ADGRL3: variants seen among roughly 807,000 people sequenced by gnomAD.
ADGRL3 encodes adhesion G protein-coupled receptor L3, also known as calcium-independent alpha-latrotoxin receptor 3.
A neutral mutation model predicts 153.5 loss-of-function variants in ADGRL3; 62 were observed. The observed-to-expected ratio is 0.40, with a 90% CI of 0.33 to 0.50. The LOEUF (loss-of-function observed/expected upper bound fraction) is 0.50, where lower values mean the gene tolerates loss of function less well. Among genes scored for constraint, ADGRL3 ranks in the 20% least tolerant of loss-of-function variants. The pLI, the probability that ADGRL3 is intolerant of heterozygous loss-of-function variation, is 0.47. For synonymous variants in ADGRL3, 710 were observed against 672.5 expected, an observed-to-expected ratio of 1.06 and a Z score of -0.86; for missense variants, 1,641 against 1,859.4, an observed-to-expected ratio of 0.88 and a Z score of 2.16.
At chr4:61,507,291 C>A (rs1308903345) in intron 3 of ADGRL3, among the ~76,000 whole-genome samples, 1 of 151,944 alleles carries the variant, frequency 6.6e-6, no homozygotes, top group Non-Finnish European at 1.5e-5. Flanking sequence ...TAAAAGGAGG[C>A]CTTTTAGATT....
At chr4:61,618,156 G>A (rs567583865) in intron 5 of ADGRL3, among the ~76,000 whole-genome samples, 1 of 152,252 alleles carries the variant, frequency 6.6e-6, no homozygotes, top group South Asian at 2.1e-4. Context: ...CCAAGGGAGA[G>A]TTTTCTGAAA....
At chr4:61,462,967 G>A (rs2097841695) in intron 2 of ADGRL3, among the ~76,000 whole-genome samples, 1 of 152,098 alleles carries the variant, frequency 6.6e-6, no homozygotes, top group Non-Finnish European at 1.5e-5. Context: ...CACCTCCAAG[G>A]TCTCTGCTAG....
rs2098329386 is a variant in ADGRL3, at chr4:61,497,222, A to G, written c.-72A>G. 1.2e-5 allele frequency: 10 copies of G among 858,128 alleles called. No individual in the cohort carries two copies. The highest frequency in any genetic ancestry group is 1.7e-5 in the Non-Finnish European group (9 of 533,626). 53.2% of individuals were successfully genotyped at this position (858,128 alleles called of 1,614,324 possible). The stretch of plus-strand genomic sequence containing the variant: ...AGTCTTGGAATACAGAAGAGAAACT[A>G]GAAATATACGTATTTTGTTTCACAT... On this transcript the variant is annotated 5_prime_UTR_variant, in exon 3 of 27. Coordinates refer to ENST00000683033, the MANE Select transcript of ADGRL3 (RefSeq NM_001387552.1).
rs565197078 is a variant in ADGRL3, at chr4:62,021,258, T to C, written c.3396-7597T>C. Among the ~76,000 whole-genome samples, 7 of 152,250 alleles carry C rather than the reference T, an allele frequency of 4.6e-5. No individual in the cohort carries two copies. In the South Asian group the frequency reaches 1.4e-3, roughly 32 times the overall value. Reference sequence around the variant, plus strand: ...TAGCAAATAAAACTACCAAGATCTTTTACTTGATACACACAATGGTCCTGT... The same window carrying C: ...TAGCAAATAAAACTACCAAGATCTTCTACTTGATACACACAATGGTCCTGT... On this transcript the variant is annotated intron_variant, in intron 21 of 26. Coordinates refer to ENST00000683033, the MANE Select transcript of ADGRL3 (RefSeq NM_001387552.1).
chr4:61,224,667 C>A (rs888122138), intron 1 of ADGRL3, among the ~76,000 whole-genome samples: 2 of 152,168 alleles, frequency 1.3e-5, no homozygotes, highest in African/African-American at 2.4e-5. Flanking sequence ...TTGCTTGAGG[C>A]CACCTCCTTG....
At chr4:61,985,211 G>A (rs572155374) in intron 19 of ADGRL3, among the ~76,000 whole-genome samples, 1 of 151,988 alleles carries the variant, frequency 6.6e-6, no homozygotes, top group South Asian at 2.1e-4. Context: ...TTAGCTGGTA[G>A]CAGATTTGAG....
chr4:61,222,467 A>G (rs563844295), intron 1 of ADGRL3, among the ~76,000 whole-genome samples: 40 of 151,784 alleles, frequency 2.6e-4, no homozygotes, highest in African/African-American at 9.4e-4. Flanking sequence ...GTTCTATAGC[A>G]TTGGGTAAGA....
intron 2 of ADGRL3, among the ~76,000 whole-genome samples, chr4:61,409,388 T>C (rs1004018845): frequency 2.7e-5 from 3 of 112,360 alleles, no homozygotes; most frequent in African/African-American, 8.8e-5. Context: ...ATATTATATA[T>C]ATATTAGACA....
At position 61,492,364 on chromosome 4, in the gene ADGRL3, G is replaced by T. The variant is rs542398299; in HGVS notation, c.-173-4757G>T. On this transcript the variant is annotated intron_variant, in intron 2 of 26. Coordinates refer to ENST00000683033, the MANE Select transcript of ADGRL3 (RefSeq NM_001387552.1). Reference sequence around the variant, plus strand: ...TATAGTTTCTTGTCTATGATATTATGATGGAAAAGGTACAATCATATTCAG... The same window carrying T: ...TATAGTTTCTTGTCTATGATATTATTATGGAAAAGGTACAATCATATTCAG... Among the ~76,000 whole-genome samples the T allele has an allele frequency of 3.3e-5, 5 of 152,184 alleles. No individual in the cohort carries two copies. In the South Asian group the frequency reaches 8.3e-4, roughly 25 times the overall value.
intron 21 of ADGRL3, among the ~76,000 whole-genome samples, chr4:62,013,517 G>A (rs150895934): frequency 2.1e-3 from 322 of 151,730 alleles, no homozygotes; most frequent in African/African-American, 7.4e-3. Context: ...ACTCCAGCCC[G>A]GGCAACAAGA....
chr4:61,779,836 G>A (rs1013408830), intron 8 of ADGRL3, among the ~76,000 whole-genome samples: 1 of 151,944 alleles, frequency 6.6e-6, no homozygotes, highest in Non-Finnish European at 1.5e-5. Flanking sequence ...CTAATTAGAT[G>A]TTTCTAAATT....
intron 5 of ADGRL3, among the ~76,000 whole-genome samples, chr4:61,599,983 A>G (rs1160474737): frequency 6.6e-6 from 1 of 152,240 alleles, no homozygotes; most frequent in Non-Finnish European, 1.5e-5. Context: ...TGGCAAGATA[A>G]AAAATTAATT....
intron 1 of ADGRL3, among the ~76,000 whole-genome samples, chr4:61,298,835 G>A (rs1329813427): frequency 6.6e-6 from 1 of 152,018 alleles, no homozygotes; most frequent in Non-Finnish European, 1.5e-5. Context: ...TAATAGAGAA[G>A]GTTATAAAGG....
chr4:61,969,428 A>G (rs1041744001), intron 17 of ADGRL3, among the ~76,000 whole-genome samples: 3 of 151,998 alleles, frequency 2.0e-5, no homozygotes, highest in Non-Finnish European at 2.9e-5. Flanking sequence ...ATTTCTATTT[A>G]TTGTAGACTA....
chr4:61,501,829 T>C (rs2098390162), intron 3 of ADGRL3, among the ~76,000 whole-genome samples: 1 of 152,194 alleles, frequency 6.6e-6, no homozygotes, highest in Non-Finnish European at 1.5e-5. Flanking sequence ...CAATATCACA[T>C]AAATATGTAC....
At chr4:61,699,801 T>A (rs1030911833) in intron 6 of ADGRL3, among the ~76,000 whole-genome samples, 1 of 152,170 alleles carries the variant, frequency 6.6e-6, no homozygotes, top group Non-Finnish European at 1.5e-5. Flanking sequence ...ATGTATTAAA[T>A]TTTTAAATAT....
chr4:61,253,276 A>C (rs1322269388), intron 1 of ADGRL3, among the ~76,000 whole-genome samples: 1 of 152,216 alleles, frequency 6.6e-6, no homozygotes, highest in Non-Finnish European at 1.5e-5. Context: ...TTCTTTTTTA[A>C]AAAATATAAA....
chr4:61,555,148 G>C (rs1026866438), intron 4 of ADGRL3, among the ~76,000 whole-genome samples: 1 of 152,142 alleles, frequency 6.6e-6, no homozygotes, highest in Non-Finnish European at 1.5e-5. Context: ...GCAGAAAAGA[G>C]GAAAGCAGAG....
rs187469222 is a variant in ADGRL3 at position 61,512,992 on chromosome 4, A to G, written c.56-4323A>G. 2.5e-3 allele frequency among the ~76,000 whole-genome samples: 374 copies of G among 152,286 alleles called. 1 individual carries two copies. The highest frequency in any genetic ancestry group is 4.5e-3 in the Admixed American group (69 of 15,286). ...ACATGGTGAAATATAACCCTAAACC[A>G]CAAAAGTAAATGACTTGTGAGAAAA... On this transcript the variant is annotated intron_variant, in intron 3 of 26. Coordinates refer to ENST00000683033, the MANE Select transcript of ADGRL3 (RefSeq NM_001387552.1).
Sources: allele counts gnomAD v4.1 joint callset (sites outside exome capture counted in the v4.1 genomes callset), GRCh38; gene constraint gnomAD v4.1.1; transcripts MANE v1.5; gene names NCBI Gene and HGNC (gene_info 2026-07-23, HGNC 2026-07-21).